Variants in SAMSN1 observed in about 807,000 individuals in gnomAD.
SAMSN1 encodes the protein SAM domain, SH3 domain and nuclear localization signals 1.
A neutral mutation model predicts 42.0 loss-of-function variants in SAMSN1; 31 were observed. The observed-to-expected ratio is 0.74, with a 90% CI of 0.55 to 1.00. The LOEUF (loss-of-function observed/expected upper bound fraction) is 1.00. Ranked by LOEUF, SAMSN1 falls within the 50% of genes least tolerant of loss-of-function variation. The pLI, the probability that SAMSN1 is intolerant of heterozygous loss-of-function variation, is 0.00. For synonymous variants in SAMSN1, 178 were observed against 151.9 expected, an observed-to-expected ratio of 1.17 and a Z score of -1.26; for missense variants, 464 against 439.4, an observed-to-expected ratio of 1.06 and a Z score of -0.50.
At chr21:14,557,226 A>G (rs1052820450) in intron 2 of SAMSN1, among the ~76,000 whole-genome samples, 8 of 152,164 alleles carry the variant, frequency 5.3e-5, no homozygotes, top group African/African-American at 9.7e-5. Flanking sequence ...GACAAGCTAC[A>G]TGAACTTGAG....
chr21:14,635,317 T>C (rs1479546432), intron 2 of SAMSN1, among the ~76,000 whole-genome samples: 3 of 152,186 alleles, frequency 2.0e-5, no homozygotes, highest in Non-Finnish European at 4.4e-5. Flanking sequence ...CTGCATGTCC[T>C]GCACATGTAT....
chr21:14,549,897 G>T (rs1423755193), upstream of SAMSN1, among the ~76,000 whole-genome samples: 1 of 151,662 alleles, frequency 6.6e-6, no homozygotes, highest in Non-Finnish European at 1.5e-5. Flanking sequence ...TACCTGTTTG[G>T]GGTTTCACGG....
intron 2 of SAMSN1, among the ~76,000 whole-genome samples, chr21:14,638,995 A>T (rs1208853028): frequency 1.3e-5 from 2 of 152,226 alleles, no homozygotes; most frequent in Non-Finnish European, 2.9e-5. Flanking sequence ...TTATTGAATG[A>T]CCACTATGCA....
intron 1 of SAMSN1, among the ~76,000 whole-genome samples, chr21:14,536,809 G>C (rs1361432415): frequency 1.3e-5 from 2 of 152,174 alleles, no homozygotes; most frequent in African/African-American, 4.8e-5. Context: ...GCAAGAATGG[G>C]ACCGGACAGT....
chr21:14,532,930 A>G (rs902588467), intron 1 of SAMSN1, among the ~76,000 whole-genome samples: 8 of 151,792 alleles, frequency 5.3e-5, no homozygotes, highest in Non-Finnish European at 1.2e-4. Flanking sequence ...ATTTATTGAG[A>G]CAGGGTCTCT....
chr21:14,546,886 T>G (rs1204951631), upstream of SAMSN1, among the ~76,000 whole-genome samples: 1 of 152,028 alleles, frequency 6.6e-6, no homozygotes, highest in Non-Finnish European at 1.5e-5. Context: ...ATTTTTTGTA[T>G]TTTTAGTAGA....
intron 2 of SAMSN1, among the ~76,000 whole-genome samples, chr21:14,560,500 A>C (rs1600930520): frequency 1.3e-5 from 2 of 152,194 alleles, no homozygotes; most frequent in Non-Finnish European, 2.9e-5. Flanking sequence ...TTCAGGTAAC[A>C]TTATGCAGAC....
In SAMSN1 at chr21:14,485,635, C is replaced by T. The variant is rs1251429938; in HGVS notation, c.*277G>A. 3 of 249,574 alleles carry T rather than the reference C, an allele frequency of 1.2e-5. No individual in the cohort carries two copies. Among genetic ancestry groups the T allele is most frequent in the African/African-American group, 6.8e-5 (3 of 44,354 alleles). The allele number at this position is 249,574 out of a possible 1,614,324, so 15.5% of individuals were successfully genotyped here. On this transcript the variant is annotated 3_prime_UTR_variant, in exon 8 of 8. Transcript: ENST00000400566. ...ACTTGTAAAATAAAGCCAAATAAAG[C>T]ATATGTCACACATACCAAAGTCTTA...
At chr21:14,539,831 G>T (rs548786113) in intron 1 of SAMSN1, among the ~76,000 whole-genome samples, 1 of 152,080 alleles carries the variant, frequency 6.6e-6, no homozygotes, top group East Asian at 1.9e-4. Flanking sequence ...AGCCCGCATC[G>T]CCAAGTCAAT....
chr21:14,491,887 T>C (rs754304976), intron 7 of SAMSN1, among the ~76,000 whole-genome samples: 3 of 152,232 alleles, frequency 2.0e-5, no homozygotes, highest in Admixed American at 6.5e-5. Flanking sequence ...AAACTATTAC[T>C]TTTGACAAAA....
chr21:14,629,174 T>G (rs1367759846), intron 2 of SAMSN1, among the ~76,000 whole-genome samples: 2 of 152,282 alleles, frequency 1.3e-5, no homozygotes, highest in African/African-American at 4.8e-5. Flanking sequence ...CACATGTCAC[T>G]ACTAAATAAC....
chr21:14,499,670 G>A (rs868705230), intron 6 of SAMSN1, among the ~76,000 whole-genome samples: 7 of 152,154 alleles, frequency 4.6e-5, no homozygotes, highest in African/African-American at 1.7e-4. Flanking sequence ...TTTTCTCACA[G>A]GTCACACAAT....
chr21:14,486,487 A>T (rs1012332163), intron 7 of SAMSN1, among the ~76,000 whole-genome samples: 1 of 152,194 alleles, frequency 6.6e-6, no homozygotes, highest in African/African-American at 2.4e-5. Flanking sequence ...TCCTTAAAGT[A>T]TCATTAGAAA....
intron 7 of SAMSN1, among the ~76,000 whole-genome samples, chr21:14,490,282 GC>G (rs1409141148): frequency 6.6e-6 from 1 of 152,056 alleles, no homozygotes; most frequent in African/African-American, 2.4e-5. Flanking sequence ...CTAAAGGAGA[GC>G]AAAAAAGGAA....
chr21:14,595,561 A>G (rs1288160432), intron 6 of SAMSN1, among the ~76,000 whole-genome samples: 2 of 152,196 alleles, frequency 1.3e-5, no homozygotes, highest in Admixed American at 6.6e-5. Flanking sequence ...AAATATGAAT[A>G]TTCATTAAAC....
chr21:14,565,329 G>C (rs934565632), intron 2 of SAMSN1, among the ~76,000 whole-genome samples: 14 of 148,636 alleles, frequency 9.4e-5, no homozygotes, highest in Admixed American at 8.1e-4. Context: ...ATACCTCACA[G>C]AAGGCCTCCA....
intron 2 of SAMSN1, among the ~76,000 whole-genome samples, chr21:14,578,680 C>CAAAA (rs769354531): frequency 1.2e-3 from 76 of 63,640 alleles, no homozygotes; most frequent in East Asian, 3.3e-3. Flanking sequence ...GAGAATCCAT[C>CAAAA]AAAAAAAAAA....
At chr21:14,656,047 T>C (rs528177517) in intron 1 of SAMSN1, among the ~76,000 whole-genome samples, 1 of 151,856 alleles carries the variant, frequency 6.6e-6, no homozygotes, top group African/African-American at 2.4e-5. Flanking sequence ...AATTACAAAA[T>C]ATTATTGAAG....
chr21:14,584,781 A>G (rs1981867093), upstream of SAMSN1, among the ~76,000 whole-genome samples: 1 of 152,168 alleles, frequency 6.6e-6, no homozygotes, highest in African/African-American at 2.4e-5. Context: ...AGAGGTGAAT[A>G]TTTGCTTCCT....
Sources: allele counts gnomAD v4.1 joint callset (sites outside exome capture counted in the v4.1 genomes callset), GRCh38; gene constraint gnomAD v4.1.1; transcripts MANE v1.5; gene names NCBI Gene and HGNC (gene_info 2026-07-23, HGNC 2026-07-21).